RTN1: variants seen among roughly 807,000 people sequenced by gnomAD.
RTN1 encodes the protein reticulon-1.
RTN1 carries 25 observed loss-of-function variants against 65.5 expected under a neutral mutation model. The observed-to-expected ratio is 0.38, with a 90% confidence interval of 0.28 to 0.53. The LOEUF is 0.53. Among genes scored for constraint, RTN1 ranks in the 20% least tolerant of loss-of-function variants. The pLI is 0.79. For missense variants in RTN1, 983 were observed against 1,025.4 expected, an observed-to-expected ratio of 0.96 and a Z score of 0.57; for synonymous variants, 471 against 447.6, an observed-to-expected ratio of 1.05 and a Z score of -0.66.
rs1887462593 is a variant in RTN1 at position 59,849,216 on chromosome 14, T to C, written c.241+21174A>G. Reference sequence around the variant, plus strand: ...AGATCATAAAGCTAATCTAAGAAGGTATATAAAGTGTTTATCACAGTACCT... The same window carrying C: ...AGATCATAAAGCTAATCTAAGAAGGCATATAAAGTGTTTATCACAGTACCT... On this transcript the variant is annotated intron_variant, in intron 1 of 8. Transcript: ENST00000267484. This position sits in a 1 kb window ranked among gnomAD's most constrained non-coding sequence, Gnocchi z 4.5. Among the ~76,000 whole-genome samples the C allele has an allele frequency of 6.6e-6, 1 of 152,178 alleles. No individual in the cohort carries two copies. The highest frequency in any genetic ancestry group is 2.1e-4 in the South Asian group (1 of 4,830).
At chr14:59,691,319 A>G (rs1235645458) in intron 3 of RTN1, among the ~76,000 whole-genome samples, 1 of 152,214 alleles carries the variant, frequency 6.6e-6, no homozygotes, top group Non-Finnish European at 1.5e-5. Flanking sequence ...CTATGCACAC[A>G]AACAAGAACA....
chr14:59,799,522 T>C (rs1886500204), intron 1 of RTN1, among the ~76,000 whole-genome samples: 2 of 152,182 alleles, frequency 1.3e-5, no homozygotes, highest in Non-Finnish European at 2.9e-5. Flanking sequence ...TAATAGAGCA[T>C]GGAAGAAAGA....
chr14:59,781,929 T>A (rs1886162794), intron 1 of RTN1, among the ~76,000 whole-genome samples: 1 of 152,170 alleles, frequency 6.6e-6, no homozygotes, highest in African/African-American at 2.4e-5. Context: ...TGTTTGTGTG[T>A]CCCCAATGGT....
At chr14:59,631,853 A>T (rs1882562181) in intron 3 of RTN1, among the ~76,000 whole-genome samples, 1 of 152,034 alleles carries the variant, frequency 6.6e-6, no homozygotes. Flanking sequence ...CAAACTTTCC[A>T]CTTCATCTTG....
At chr14:59,630,277 G>T (rs1428081081) in intron 3 of RTN1, among the ~76,000 whole-genome samples, 2 of 151,782 alleles carry the variant, frequency 1.3e-5, no homozygotes, top group Admixed American at 6.6e-5. Flanking sequence ...CAACAACCAA[G>T]CACCATCCAT....
At chr14:59,792,188 T>C (rs915853694) in intron 1 of RTN1, among the ~76,000 whole-genome samples, 1 of 152,114 alleles carries the variant, frequency 6.6e-6, no homozygotes, top group Non-Finnish European at 1.5e-5. Flanking sequence ...GAGCATGTCA[T>C]TGGGTTTTGG....
At chr14:59,818,548 G>A (rs554913581) in intron 1 of RTN1, among the ~76,000 whole-genome samples, 5 of 152,100 alleles carry the variant, frequency 3.3e-5, no homozygotes, top group Admixed American at 2.6e-4. Flanking sequence ...TTATTCAATC[G>A]AATATTTAAA....
intron 1 of RTN1, among the ~76,000 whole-genome samples, chr14:59,819,405 ACCACCACCACCCCC>A (rs1566737376): frequency 7.4e-4 from 15 of 20,190 alleles, no homozygotes; most frequent in African/African-American, 3.1e-3. Flanking sequence ...GTGCATCCAC[ACCACCACCACCCCC>A]CCCCCACCCC....
chr14:59,749,448 A>ATATATC (rs1885352959), intron 1 of RTN1, among the ~76,000 whole-genome samples: 1 of 102,594 alleles, frequency 9.7e-6, no homozygotes, highest in Non-Finnish European at 1.7e-5. Flanking sequence ...CTATATCTAT[A>ATATATC]TATATCTATA....
At chr14:59,806,829 G>A (rs1886647966) in intron 1 of RTN1, among the ~76,000 whole-genome samples, 1 of 152,186 alleles carries the variant, frequency 6.6e-6, no homozygotes, top group Admixed American at 6.5e-5. Flanking sequence ...AGTATTCCAT[G>A]GTGTATATGT....
At chr14:59,675,329 G>C (rs1883601325) in intron 3 of RTN1, among the ~76,000 whole-genome samples, 1 of 151,934 alleles carries the variant, frequency 6.6e-6, no homozygotes, top group Non-Finnish European at 1.5e-5. Flanking sequence ...GAGTCTTTTA[G>C]GCCAGGGAAT....
intron 3 of RTN1, among the ~76,000 whole-genome samples, chr14:59,667,115 T>A (rs1883395960): frequency 6.6e-6 from 1 of 151,774 alleles, no homozygotes; most frequent in Non-Finnish European, 1.5e-5. Context: ...TTTATGAGGC[T>A]AGCATCATCC....
chr14:59,695,147 G>C (rs1331865296), intron 3 of RTN1, among the ~76,000 whole-genome samples: 2 of 152,158 alleles, frequency 1.3e-5, no homozygotes, highest in African/African-American at 4.8e-5. Context: ...TTGAGTGATG[G>C]GGTGAGGGTG....
intron 3 of RTN1, among the ~76,000 whole-genome samples, chr14:59,671,337 GA>G (rs1308782077): frequency 6.6e-6 from 1 of 152,184 alleles, no homozygotes; most frequent in Non-Finnish European, 1.5e-5. Flanking sequence ...AGTTCTTGAA[GA>G]AATTCTCCTC....
chr14:59,618,984 A>C (rs74057876), intron 3 of RTN1, among the ~76,000 whole-genome samples: 2,373 of 152,342 alleles, frequency 0.016, 48 homozygotes, highest in African/African-American at 0.053. Context: ...CTCGATGCCA[A>C]CACATCTTGT....
chr14:59,749,067 C>A (rs1409898001), intron 1 of RTN1, among the ~76,000 whole-genome samples: 1 of 146,728 alleles, frequency 6.8e-6, no homozygotes, highest in Non-Finnish European at 1.5e-5. Context: ...GGATTACAGG[C>A]GTGAGCCACC....
At chr14:59,710,643 T>C (rs1241627406) in intron 3 of RTN1, among the ~76,000 whole-genome samples, 2 of 152,204 alleles carry the variant, frequency 1.3e-5, no homozygotes, top group Non-Finnish European at 2.9e-5. Flanking sequence ...GGCTGCCAAC[T>C]GAGCTCAGGG....
In RTN1 at chr14:59,747,127, G is replaced by A. The variant is rs554743552; in HGVS notation, c.242-646C>T. 1.3e-3 allele frequency among the ~76,000 whole-genome samples: 192 copies of A among 152,200 alleles called. 6 individuals carry two copies. The South Asian group carries it at 0.039, about 31-fold the overall frequency. ...TTTCATCAGTTTTCCCTCTTGTTTT[G>A]TTTTCCTCCTCTTTTACTCCTCTAC... is the stretch of plus-strand genomic sequence containing the variant. On this transcript the variant is annotated intron_variant, in intron 1 of 8. Transcript: ENST00000267484.
chr14:59,670,344 T>TA (rs1883476628), intron 3 of RTN1, among the ~76,000 whole-genome samples: 1 of 152,128 alleles, frequency 6.6e-6, no homozygotes, highest in African/African-American at 2.4e-5. Flanking sequence ...AGAAGGAAAT[T>TA]AAAAAAATAA....
Sources: allele counts gnomAD v4.1 joint callset (sites outside exome capture counted in the v4.1 genomes callset), GRCh38; gene constraint gnomAD v4.1.1; non-coding constraint Gnocchi (gnomAD v3.1); transcripts MANE v1.5; gene names NCBI Gene and HGNC (gene_info 2026-07-23, HGNC 2026-07-21).